The following ROBO2 variants were observed in gnomAD, a reference collection of about 807,000 sequenced individuals.
ROBO2 encodes roundabout guidance receptor 2, also known as roundabout homolog 2.
In ROBO2, 53 loss-of-function variants were observed where a neutral mutation model predicts 160.8. That is an observed-to-expected ratio of 0.33 (90% CI 0.26 to 0.41). The LOEUF (loss-of-function observed/expected upper bound fraction) is 0.41. Among genes scored for constraint, ROBO2 ranks in the 10% least tolerant of loss-of-function variants. The probability of loss-of-function intolerance (pLI) is 1.00; values close to 1 mark genes in which losing one functional copy is unlikely to be tolerated. For synonymous variants in ROBO2, 664 were observed against 611.7 expected (o/e 1.09, Z -1.26); for missense variants, 1,577 against 1,722.4 (o/e 0.92, Z 1.49).
Position 77,079,235 on chromosome 3 carries a change from C to T in ROBO2, c.62-18779C>T, listed in dbSNP as rs376645360. Among the ~76,000 whole-genome samples the T allele has an allele frequency of 8.5e-5, 13 of 152,290 alleles. No individual in the cohort carries two copies. The South Asian group carries it at 2.7e-3, about 32-fold the overall frequency. ...GTGCTGGGATTACACGCGTGAGCCA[C>T]CGCACCCAGCTGCTATATTTAATTA... On this transcript the variant is annotated intron_variant, in intron 1 of 25. Transcript: ENST00000461745.
At chr3:76,428,852 G>A (rs533245033) in intron 2 of ROBO2, among the ~76,000 whole-genome samples, 1 of 152,194 alleles carries the variant, frequency 6.6e-6, no homozygotes, top group East Asian at 1.9e-4. Flanking sequence ...ACCCTTCTGA[G>A]CTGCCGACAG....
At chr3:76,119,916 C>CCCTCCCTCCCTCCCTCCCTCCCTT (rs1377854643) in intron 2 of ROBO2, among the ~76,000 whole-genome samples, 39 of 88,164 alleles carry the variant, frequency 4.4e-4, no homozygotes, top group East Asian at 3.2e-3. Context: ...TTCCCTCCCT[C>CCCTCCCTCCCTCCCTCCCTCCCTT]CCTTCCTTCC....
intron 2 of ROBO2, among the ~76,000 whole-genome samples, chr3:76,729,218 A>G (rs1302890956): frequency 7.1e-6 from 1 of 140,004 alleles, no homozygotes; most frequent in African/African-American, 2.7e-5. Context: ...TTGTGACTGT[A>G]CTACCAGAGT....
intron 2 of ROBO2, among the ~76,000 whole-genome samples, chr3:76,293,102 G>T (rs1708888782): frequency 6.6e-6 from 1 of 151,954 alleles, no homozygotes; most frequent in Admixed American, 6.6e-5. Context: ...TTATAGTTCG[G>T]TCATCAGAGA....
intron 2 of ROBO2, among the ~76,000 whole-genome samples, chr3:76,663,819 G>T (rs1210392587): frequency 6.6e-6 from 1 of 151,882 alleles, no homozygotes; most frequent in East Asian, 1.9e-4. Flanking sequence ...CAGGAGAATC[G>T]CTTGAACCCG....
chr3:76,376,731 G>A (rs2108518404), intron 2 of ROBO2, among the ~76,000 whole-genome samples: 1 of 152,206 alleles, frequency 6.6e-6, no homozygotes, highest in African/African-American at 2.4e-5. Context: ...AGTTTTAAGG[G>A]GCCAGAGGAC....
intron 2 of ROBO2, among the ~76,000 whole-genome samples, chr3:77,006,305 TTGTGTGTGTGTGTGTG>T (rs60754546): frequency 2.8e-5 from 4 of 143,966 alleles, no homozygotes; most frequent in African/African-American, 7.7e-5. Flanking sequence ...ATTTTAATAT[TTGTGTGTGTGTGTGTG>T]TGTGTGTGTG....
intron 2 of ROBO2, among the ~76,000 whole-genome samples, chr3:77,415,166 G>A (rs1258356627): frequency 6.6e-6 from 1 of 152,200 alleles, no homozygotes; most frequent in African/African-American, 2.4e-5. Flanking sequence ...GAAATAAACA[G>A]TGTTACAGGA....
At chr3:77,241,078 A>T (rs1027579427) in intron 2 of ROBO2, among the ~76,000 whole-genome samples, 1 of 73,798 alleles carries the variant, frequency 1.4e-5, no homozygotes, top group Non-Finnish European at 3.6e-5. Flanking sequence ...CTTGATAAAC[A>T]GTTTTGATGA....
intron 2 of ROBO2, among the ~76,000 whole-genome samples, chr3:77,207,310 A>G (rs1481254549): frequency 1.3e-5 from 2 of 152,166 alleles, no homozygotes; most frequent in East Asian, 3.9e-4. Context: ...ATCATTCTAA[A>G]ATAGGATAAA....
chr3:76,106,281 G>A (rs138722122), intron 2 of ROBO2, among the ~76,000 whole-genome samples: 1 of 152,164 alleles, frequency 6.6e-6, no homozygotes, highest in Non-Finnish European at 1.5e-5. Flanking sequence ...TGCAACAGAA[G>A]CAATTTTACA....
intron 21 of ROBO2, among the ~76,000 whole-genome samples, chr3:77,613,351 T>G (rs769317137): frequency 6.6e-6 from 1 of 152,150 alleles, no homozygotes; most frequent in Non-Finnish European, 1.5e-5. Flanking sequence ...ATTGAATATG[T>G]GAACATTTTC....
chr3:76,012,241 C>T (rs1321056122), intron 2 of ROBO2, among the ~76,000 whole-genome samples: 1 of 151,890 alleles, frequency 6.6e-6, no homozygotes, highest in Non-Finnish European at 1.5e-5. Flanking sequence ...TGGCATGTTC[C>T]AGCAATTATA....
At chr3:77,292,516 T>G (rs200985992) in intron 2 of ROBO2, among the ~76,000 whole-genome samples, 1 of 132,216 alleles carries the variant, frequency 7.6e-6, no homozygotes, top group Admixed American at 7.6e-5. Context: ...GTAAAATTGA[T>G]GGTTAAATGG....
intron 2 of ROBO2, among the ~76,000 whole-genome samples, chr3:76,475,195 C>T (rs558624577): frequency 4.0e-5 from 6 of 151,688 alleles, no homozygotes; most frequent in East Asian, 3.9e-4. Context: ...TATTTGACCA[C>T]GGGAAAAAAT....
At chr3:76,266,028 G>A (rs1707080955) in intron 2 of ROBO2, among the ~76,000 whole-genome samples, 1 of 152,080 alleles carries the variant, frequency 6.6e-6, no homozygotes, top group Non-Finnish European at 1.5e-5. Context: ...GAAATTGAAG[G>A]TTTTCAACTA....
intron 2 of ROBO2, among the ~76,000 whole-genome samples, chr3:76,424,363 G>A (rs1018510008): frequency 2.0e-5 from 3 of 151,974 alleles, no homozygotes; most frequent in Non-Finnish European, 4.4e-5. Flanking sequence ...TCCTACAATT[G>A]TATTTAGTAT....
At chr3:77,633,274 C>T (rs2095203885) in intron 23 of ROBO2, 1 of 152,074 alleles carries the variant, frequency 6.6e-6, no homozygotes, top group Non-Finnish European at 1.5e-5. Flanking sequence ...ATGTGTATTT[C>T]TCTTTAGAAT....
intron 2 of ROBO2, among the ~76,000 whole-genome samples, chr3:76,253,238 T>C (rs1706147999): frequency 6.6e-6 from 1 of 152,074 alleles, no homozygotes; most frequent in African/African-American, 2.4e-5. Flanking sequence ...AAATCTAATG[T>C]AATGAATAGT....
Sources: gnomAD v4.1 joint callset for allele counts (sites outside exome capture counted in the v4.1 genomes callset) on GRCh38, gnomAD v4.1.1 for gene constraint, MANE v1.5 for transcripts, NCBI Gene and HGNC (gene_info 2026-07-23, HGNC 2026-07-21) for gene names.